The following DPYD variants were observed in gnomAD, a reference collection of about 807,000 sequenced individuals.
DPYD encodes dihydropyrimidine dehydrogenase.
DPYD carries 109 observed loss-of-function variants against 116.2 expected under a neutral mutation model. The observed-to-expected ratio is 0.94, with a 90% CI of 0.80 to 1.10. The LOEUF is 1.10. Ranked by LOEUF, DPYD falls within the 50% of genes least tolerant of loss-of-function variation. The pLI is 0.00. For synonymous variants in DPYD, 440 were observed against 432.0 expected (o/e 1.02, Z -0.23); for missense variants, 1,302 against 1,254.5 (o/e 1.04, Z -0.57).
At chr1:97,288,722 C>T (rs947084178) in intron 18 of DPYD, among the ~76,000 whole-genome samples, 1 of 144,626 alleles carries the variant, frequency 6.9e-6, no homozygotes, top group Non-Finnish European at 1.5e-5. Context: ...TAAATGCCCA[C>T]AAGAGAAAGC....
At chr1:97,700,368 G>C (rs1661531091) in intron 5 of DPYD, 1 of 434,968 alleles carries the variant, frequency 2.3e-6, no homozygotes, top group African/African-American at 2.1e-5. Flanking sequence ...AAAACCTAAA[G>C]ATCTAAACAG....
chr1:97,429,407 T>G (rs1158466164), intron 14 of DPYD, among the ~76,000 whole-genome samples: 2 of 152,082 alleles, frequency 1.3e-5, no homozygotes, highest in Non-Finnish European at 2.9e-5. Context: ...TCAGCATACA[T>G]TCATCTGCCT....
chr1:97,581,102 C>T (rs1409016488), intron 10 of DPYD, among the ~76,000 whole-genome samples: 1 of 151,702 alleles, frequency 6.6e-6, no homozygotes, highest in Non-Finnish European at 1.5e-5. Context: ...TCTGGAGATC[C>T]AGACCATCCT....
At position 97,193,381 on chromosome 1, in the gene DPYD, G is replaced by A. The variant is rs76603001; in HGVS notation, c.2443-133C>T. The A allele has an allele frequency of 3.3e-3, 2,945 of 882,916 alleles. 56 individuals are homozygous for A. In the African/African-American group the frequency reaches 0.04, roughly 12 times the overall value. The allele number at this position is 882,916 out of a possible 1,614,324, so 54.7% of individuals were successfully genotyped here. On this transcript the variant is annotated intron_variant, in intron 19 of 22. Transcript: ENST00000370192. ...TTTGAGGCATGATGGATCAGTAGCC[G>A]TCTGGAGATGGGGGTGGTGGGGAGG...
At chr1:97,866,204 T>C (rs982529386) in intron 2 of DPYD, among the ~76,000 whole-genome samples, 1 of 151,930 alleles carries the variant, frequency 6.6e-6, no homozygotes, top group African/African-American at 2.4e-5. Flanking sequence ...GCCATAGACT[T>C]TGAAGTGGAA....
intron 20 of DPYD, among the ~76,000 whole-genome samples, chr1:97,169,432 C>T (rs577520904): frequency 1.3e-5 from 2 of 151,954 alleles, no homozygotes; most frequent in Admixed American, 6.6e-5. Flanking sequence ...CTTTCCAAGG[C>T]GAAATACTTG....
intron 3 of DPYD, among the ~76,000 whole-genome samples, chr1:97,783,057 A>G (rs1409565320): frequency 6.6e-6 from 1 of 152,216 alleles, no homozygotes; most frequent in Non-Finnish European, 1.5e-5. Context: ...TCCCTGTGTT[A>G]CTCATCTCTC....
chr1:97,524,871 A>G (rs1203934905), intron 12 of DPYD, among the ~76,000 whole-genome samples: 1 of 152,116 alleles, frequency 6.6e-6, no homozygotes, highest in Non-Finnish European at 1.5e-5. Context: ...AACTTATTAC[A>G]CTTGAATATT....
chr1:97,728,244 A>G (rs1663379993), intron 4 of DPYD, among the ~76,000 whole-genome samples: 2 of 152,078 alleles, frequency 1.3e-5, no homozygotes, highest in Non-Finnish European at 1.5e-5. Context: ...TCTTTGGCCC[A>G]CTAATTTACC....
intron 17 of DPYD, 108 bp downstream of exon 17, chr1:97,306,067 TGA>T: frequency 6.4e-7 from 1 of 1,570,590 alleles, no homozygotes; most frequent in Non-Finnish European, 8.7e-7. Context: ...CTTTTAAAAT[TGA>T]GACAAAAAAT....
rs72732359 is a variant in DPYD, at chr1:97,597,532, C to T, written c.851-2366G>A. On this transcript the variant is annotated intron_variant, in intron 8 of 22. Coordinates refer to ENST00000370192, the MANE Select transcript of DPYD (RefSeq NM_000110.4). The stretch of plus-strand genomic sequence containing the variant: ...GTCAATTTGGCTAGGCTATAACACC[C>T]GTTAGTCAATCAAACACTAAGGTAG... Among the ~76,000 whole-genome samples the T allele has an allele frequency of 4.7e-3, 722 of 152,270 alleles. 10 individuals carry two copies. The highest frequency in any genetic ancestry group is 0.016 in the African/African-American group (676 of 41,558).
At chr1:97,134,114 C>G (rs1653602319) in intron 20 of DPYD, among the ~76,000 whole-genome samples, 1 of 135,010 alleles carries the variant, frequency 7.4e-6, no homozygotes, top group Non-Finnish European at 1.5e-5. Flanking sequence ...GTGTGAGCAG[C>G]AATAATAAGC....
chr1:97,838,909 T>C (rs1571446099), intron 2 of DPYD, among the ~76,000 whole-genome samples: 2 of 152,268 alleles, frequency 1.3e-5, no homozygotes, highest in South Asian at 4.1e-4. Flanking sequence ...GAAGTTAACA[T>C]AAACTTTTCA....
intron 18 of DPYD, among the ~76,000 whole-genome samples, chr1:97,255,765 G>A (rs1026295084): frequency 9.9e-5 from 15 of 151,762 alleles, no homozygotes; most frequent in Admixed American, 8.5e-4. Context: ...CTAACCAGGG[G>A]AAACTGGTAA....
rs149281303 is a variant in DPYD at position 97,670,226 on chromosome 1, G to A, written c.850+8869C>T. 1.5e-3 allele frequency among the ~76,000 whole-genome samples: 229 copies of A among 152,114 alleles called. 1 individual carries two copies. Among genetic ancestry groups the A allele is most frequent in the African/African-American group, 5.3e-3 (218 of 41,518 alleles). Reference sequence around the variant, plus strand: ...CAACATCAATATTCTACCTTTAGAGGACAATGCAGACCTATAGTATGATTA... The same window carrying A: ...CAACATCAATATTCTACCTTTAGAGAACAATGCAGACCTATAGTATGATTA... On this transcript the variant is annotated intron_variant, in intron 8 of 22. Transcript: ENST00000370192.
intron 8 of DPYD, among the ~76,000 whole-genome samples, chr1:97,646,724 T>C (rs1307955454): frequency 6.6e-6 from 1 of 152,128 alleles, no homozygotes; most frequent in Non-Finnish European, 1.5e-5. Flanking sequence ...CATCATGTAA[T>C]GAGCTAACTT....
At chr1:97,384,504 T>C (rs74105186) in intron 14 of DPYD, among the ~76,000 whole-genome samples, 16,026 of 152,068 alleles carry the variant, frequency 0.11, 1,103 homozygotes, top group South Asian at 0.26. Flanking sequence ...ATGAATGAGG[T>C]CACCAGAGGT....
chr1:97,529,031 A>G (rs1649361578), intron 12 of DPYD, among the ~76,000 whole-genome samples: 4 of 152,160 alleles, frequency 2.6e-5, no homozygotes, highest in Admixed American at 2.6e-4. Flanking sequence ...AAATATACAC[A>G]TCATAGTCAC....
chr1:97,452,270 T>C (rs898370336), intron 13 of DPYD, among the ~76,000 whole-genome samples: 3 of 152,162 alleles, frequency 2.0e-5, no homozygotes, highest in Non-Finnish European at 4.4e-5. Context: ...TACTACCATT[T>C]ATTGTGGTTG....
Sources: allele counts gnomAD v4.1 joint callset (sites outside exome capture counted in the v4.1 genomes callset), GRCh38; gene constraint gnomAD v4.1.1; transcripts MANE v1.5; gene names NCBI Gene and HGNC (gene_info 2026-07-23, HGNC 2026-07-21).